The following ERICH2 variants were observed in gnomAD, a reference collection of about 807,000 sequenced individuals.
The protein encoded by ERICH2 is glutamate rich 2, also known as glutamate-rich protein 2.
In ERICH2, 17 loss-of-function variants were observed where a neutral mutation model predicts 17.4. That is an observed-to-expected ratio of 0.98 (90% CI 0.67 to 1.47). The LOEUF is 1.47. Among genes scored for constraint, ERICH2 ranks in the 40% most tolerant of loss-of-function variants. ERICH2 has a pLI of 0.00. For missense variants in ERICH2, 186 were observed against 183.2 expected (o/e 1.01, Z -0.09); for synonymous variants, 51 against 61.1 (o/e 0.83, Z 0.77).
the ERICH2 span, among the ~76,000 whole-genome samples, chr2:170,770,920 C>G: frequency 6.7e-6 from 1 of 148,554 alleles, no homozygotes; most frequent in South Asian, 2.2e-4. Flanking sequence ...CTCCACCGCC[C>G]TACGGCCTGG....
intron 3 of ERICH2, among the ~76,000 whole-genome samples, chr2:170,796,254 T>C (rs1701412094): frequency 6.6e-6 from 1 of 152,212 alleles, no homozygotes; most frequent in African/African-American, 2.4e-5. Flanking sequence ...AAGCAGCTTC[T>C]AAGCAGGCAC....
chr2:170,785,830 A>G (rs572727763), intron 2 of ERICH2, among the ~76,000 whole-genome samples: 1 of 152,302 alleles, frequency 6.6e-6, no homozygotes, highest in South Asian at 2.1e-4. Flanking sequence ...AAAATTATAC[A>G]TAAGCATTTA....
chr2:170,784,680 G>A (rs1701110709), exon 2 of ERICH2: 1 of 1,538,504 alleles, frequency 6.5e-7, no homozygotes, highest in African/African-American at 1.4e-5. Context: ...TTGTAAAGCA[G>A]GAGAAAAATA....
intron 1 of ERICH2, among the ~76,000 whole-genome samples, chr2:170,784,164 G>A (rs777687826): frequency 3.9e-5 from 6 of 152,110 alleles, no homozygotes; most frequent in Non-Finnish European, 8.8e-5. Context: ...CATACAAGAA[G>A]GGGTGGATGT....
Position 170,797,810 on chromosome 2 carries a change from AAAAAG to A in ERICH2, c.275-227_275-223del, listed in dbSNP as rs1402231284. Among the ~76,000 whole-genome samples the A allele has an allele frequency of 6.3e-3, 954 of 151,118 alleles. 16 individuals carry two copies. Among genetic ancestry groups the A allele is most frequent in the African/African-American group, 0.022 (910 of 40,950 alleles). On this transcript the variant is annotated intron_variant, in intron 3 of 4. Coordinates refer to ENST00000409885, the Ensembl canonical transcript of ERICH2. ...CTGTCTCAGGGAAAAAAAAAAAAAA[AAAAAG>A]AAAGAAAGAAAATATAGTGAGGATC...
intron 2 of ERICH2, among the ~76,000 whole-genome samples, chr2:170,786,465 A>T (rs1398210491): frequency 6.6e-6 from 1 of 152,068 alleles, no homozygotes; most frequent in Non-Finnish European, 1.5e-5. Flanking sequence ...CAATTTAATT[A>T]TGATGTGCCT....
intron 2 of ERICH2, among the ~76,000 whole-genome samples, chr2:170,791,135 A>G (rs112322370): frequency 5.3e-5 from 8 of 152,318 alleles, no homozygotes; most frequent in African/African-American, 1.9e-4. Context: ...AAGAAAATGA[A>G]AATGTCTTAA....
At chr2:170,790,229 C>T (rs1701255061) in intron 2 of ERICH2, among the ~76,000 whole-genome samples, 1 of 152,234 alleles carries the variant, frequency 6.6e-6, no homozygotes, top group African/African-American at 2.4e-5. Context: ...GGCGTGGTGG[C>T]TCACGCCTGT....
chr2:170,786,436 T>C (rs940747199), intron 2 of ERICH2, among the ~76,000 whole-genome samples: 6 of 152,102 alleles, frequency 3.9e-5, no homozygotes, highest in African/African-American at 1.4e-4. Flanking sequence ...AATTTTTTCT[T>C]CCATATTATT....
chr2:170,782,181 T>A, upstream of ERICH2: 1 of 387,150 alleles, frequency 2.6e-6, no homozygotes, highest in Non-Finnish European at 3.5e-6. Context: ...AGTGTCTGTG[T>A]TTAAAGCATT....
chr2:170,782,043 A>C (rs1441284175), upstream of ERICH2, among the ~76,000 whole-genome samples: 1 of 152,260 alleles, frequency 6.6e-6, no homozygotes, highest in African/African-American at 2.4e-5. Flanking sequence ...TACGATAACA[A>C]ATGCCAGTCA....
At chr2:170,793,836 T>C (rs1701346986) in intron 3 of ERICH2, among the ~76,000 whole-genome samples, 1 of 152,230 alleles carries the variant, frequency 6.6e-6, no homozygotes, top group African/African-American at 2.4e-5. Flanking sequence ...GGGTTTTTTG[T>C]TGCAGTTGTA....
chr2:170,794,515 G>A (rs1266494550), intron 3 of ERICH2, among the ~76,000 whole-genome samples: 1 of 152,108 alleles, frequency 6.6e-6, no homozygotes, highest in African/African-American at 2.4e-5. Context: ...ACTATTTAGT[G>A]AGTCCAAGGT....
At chr2:170,788,620 C>T (rs1017563326) in intron 2 of ERICH2, among the ~76,000 whole-genome samples, 15 of 151,806 alleles carry the variant, frequency 9.9e-5, no homozygotes, top group Admixed American at 2.6e-4. Context: ...TACAGGTGCA[C>T]GCCACCACAC....
At position 170,784,683 on chromosome 2, in the gene ERICH2, G is replaced by A. The variant is rs777069427; in HGVS notation, c.66G>A (p.Glu22=). The A allele has an allele frequency of 2.6e-4, 407 of 1,539,678 alleles. 1 individual carries two copies. Among genetic ancestry groups the A allele is most frequent in the Non-Finnish European group, 3.4e-4 (383 of 1,143,004 alleles). ...AAGATGCAGTCATTGTAAAGCAGGA[G>A]AAAAATAATGAATATTGCCTTCAGG... Residue 22 remains glutamate, a synonymous_variant, in exon 2 of 5, where the codon GAG becomes GAA. Coordinates refer to ENST00000409885, the Ensembl canonical transcript of ERICH2.
At chr2:170,797,654 C>T (rs923120979) in intron 3 of ERICH2, among the ~76,000 whole-genome samples, 2 of 151,830 alleles carry the variant, frequency 1.3e-5, no homozygotes, top group Admixed American at 1.3e-4. Flanking sequence ...AAAACTTAGC[C>T]AGGCGTGGTG....
At chr2:170,787,523 C>T (rs1015414737) in intron 2 of ERICH2, among the ~76,000 whole-genome samples, 1 of 152,224 alleles carries the variant, frequency 6.6e-6, no homozygotes, top group African/African-American at 2.4e-5. Flanking sequence ...GCTCTCAACC[C>T]TGTCTGATAG....
chr2:170,783,893 C>T (rs1421359392), intron 1 of ERICH2: 1 of 1,550,456 alleles, frequency 6.4e-7, no homozygotes, highest in South Asian at 1.2e-5. Flanking sequence ...AATAACACAA[C>T]CGTCATACTC....
intron 3 of ERICH2, among the ~76,000 whole-genome samples, chr2:170,795,257 T>C (rs1412773250): frequency 6.6e-6 from 1 of 152,202 alleles, no homozygotes; most frequent in Non-Finnish European, 1.5e-5. Flanking sequence ...GGATTACAGA[T>C]GAGAGTCACT....
Sources: gnomAD v4.1 joint callset for allele counts (sites outside exome capture counted in the v4.1 genomes callset) on GRCh38, gnomAD v4.1.1 for gene constraint, MANE v1.5 for transcripts, NCBI Gene and HGNC (gene_info 2026-07-23, HGNC 2026-07-21) for gene names.